The following WDR37 variants were observed in gnomAD, a reference collection of about 807,000 sequenced individuals.
The protein encoded by WDR37 is WD repeat domain 37.
In WDR37, 19 loss-of-function variants were observed where a neutral mutation model predicts 62.9. The ratio of observed to expected loss-of-function variants is 0.30; its 90% confidence interval spans 0.21 to 0.44. The LOEUF is 0.44. WDR37 is among the 20% of genes least tolerant of loss of function. WDR37 has a pLI of 1.00. For synonymous variants in WDR37, 250 were observed against 260.9 expected, an observed-to-expected ratio of 0.96 and a Z score of 0.40; for missense variants, 474 against 657.6, an observed-to-expected ratio of 0.72 and a Z score of 3.05.
chr10:1,120,806 T>G (rs1835553717), intron 11 of WDR37, among the ~76,000 whole-genome samples: 1 of 152,264 alleles, frequency 6.6e-6, no homozygotes, highest in Admixed American at 6.5e-5. Flanking sequence ...TGTCGTCTTT[T>G]CCTTAGTGAA....
At chr10:1,067,937 C>G (rs1395362169) in intron 1 of WDR37, among the ~76,000 whole-genome samples, 1 of 152,090 alleles carries the variant, frequency 6.6e-6, no homozygotes, top group Non-Finnish European at 1.5e-5. Flanking sequence ...TGGATGGAAC[C>G]AGAGGCCATT....
Position 1,103,646 on chromosome 10 carries a change from C to A in WDR37, c.771C>A (p.Pro257=). ...DEVECSDKDE[P]DLDGDVSSDC... ...TAGAGTGCTCTGACAAGGACGAGCC[C>A]GACCTCGATGGGGATGTGTCCAGCG... Residue 257 remains proline (P), a synonymous_variant, in exon 10 of 14, where the codon CCC becomes CCA. Transcript: ENST00000263150. The surrounding 1 kb of genome is among the most constrained non-coding windows in gnomAD (Gnocchi z 6.3). The A allele has an allele frequency of 1.2e-6, 2 of 1,614,224 alleles. No individual in the cohort carries two copies. The highest frequency in any genetic ancestry group is 2.2e-5 in the South Asian group (2 of 91,082).
chr10:1,058,855 A>G (rs1259283137), intron 1 of WDR37, among the ~76,000 whole-genome samples: 1 of 152,230 alleles, frequency 6.6e-6, no homozygotes, highest in African/African-American at 2.4e-5. Context: ...CTTCTGGTGG[A>G]AATTCCATCA....
At chr10:1,106,189 C>G (rs556275523) in intron 11 of WDR37, among the ~76,000 whole-genome samples, 1 of 152,250 alleles carries the variant, frequency 6.6e-6, no homozygotes, top group South Asian at 2.1e-4. Flanking sequence ...GTCACGGGGG[C>G]TGTCTACCTA....
At chr10:1,122,977 GA>G (rs1835630791) in intron 11 of WDR37, among the ~76,000 whole-genome samples, 1 of 152,106 alleles carries the variant, frequency 6.6e-6, no homozygotes, top group African/African-American at 2.4e-5. Flanking sequence ...TTACATTTCA[GA>G]AGAAAAGTTT....
At position 1,070,818 on chromosome 10, in the gene WDR37, C is replaced by T. The variant is rs74120404; in HGVS notation, c.-40-1298C>T. Among the ~76,000 whole-genome samples, 698 of 152,184 alleles carry T rather than the reference C, an allele frequency of 4.6e-3. 7 individuals carry two copies. The highest frequency in any genetic ancestry group is 0.016 in the African/African-American group (648 of 41,524). On this transcript the variant is annotated intron_variant, in intron 1 of 13. Coordinates refer to ENST00000263150, the MANE Select transcript of WDR37 (RefSeq NM_014023.4). ...GCTGACTTGTTTAAAAAGAAGGGAA[C>T]GCTAGTGATTTTAAAATATTGTAGA...
rs377190516 is a variant in WDR37 at position 1,126,361 on chromosome 10, G to T, written c.1353+1337G>T. Among the ~76,000 whole-genome samples, 135 of 149,116 alleles carry T rather than the reference G, an allele frequency of 9.1e-4. 1 individual carries two copies. Among genetic ancestry groups the T allele is most frequent in the African/African-American group, 3.2e-3 (127 of 39,930 alleles). On this transcript the variant is annotated intron_variant, in intron 13 of 13. Coordinates refer to ENST00000263150, the MANE Select transcript of WDR37 (RefSeq NM_014023.4). ...GCGGAGCTTGCAGTGAGCTGAGATC[G>T]CGCCACTGCACTCCAGCCTGGGCGA...
chr10:1,088,571 T>TC (rs1834278631), intron 7 of WDR37, among the ~76,000 whole-genome samples: 1 of 152,056 alleles, frequency 6.6e-6, no homozygotes, highest in African/African-American at 2.4e-5. Context: ...TTTGTGGTCT[T>TC]ATGTGGGTGT....
chr10:1,125,979 C>T (rs1341579314), intron 13 of WDR37, among the ~76,000 whole-genome samples: 1 of 152,102 alleles, frequency 6.6e-6, no homozygotes, highest in Non-Finnish European at 1.5e-5. Context: ...GCCCAGGGGG[C>T]CTGGGGGCCC....
At chr10:1,058,764 A>G (rs1411078152) in intron 1 of WDR37, among the ~76,000 whole-genome samples, 1 of 152,248 alleles carries the variant, frequency 6.6e-6, no homozygotes, top group Non-Finnish European at 1.5e-5. Context: ...ATTGCTCAGA[A>G]GTTGAATTTG....
Position 1,129,272 on chromosome 10 carries a change from G to C in WDR37, c.1413G>C (p.Leu471=). The C allele has an allele frequency of 6.2e-7, 1 of 1,614,188 alleles. No homozygotes were observed. The highest frequency in any genetic ancestry group is 1.1e-5 in the South Asian group (1 of 91,078). The change falls in exon 14 of 14, where the codon CTG becomes CTC. Residue 471 remains leucine, a synonymous_variant. Coordinates refer to ENST00000263150, the MANE Select transcript of WDR37 (RefSeq NM_014023.4). The stretch of plus-strand genomic sequence containing the variant: ...GTGAAGACCACCCCGTGTGCAATCT[G>C]TTCACCTGTGGGTTTGACCGGCAAG... ...AWSEDHPVCN[L]FTCGFDRQAI... is the part of the protein sequence containing the mutation.
Position 1,083,861 on chromosome 10 carries a change from A to G in WDR37, c.397-542A>G, listed in dbSNP as rs550774749. Among the ~76,000 whole-genome samples the G allele has an allele frequency of 2.4e-3, 371 of 152,318 alleles. 2 individuals are homozygous for G. The highest frequency in any genetic ancestry group is 8.4e-3 in the African/African-American group (351 of 41,554). ...CGCCAAGTCTCGGGCAAACCGGCAC[A>G]CCTATTAGTGTCGTCTTTTGATTCC... On this transcript the variant is annotated intron_variant, in intron 5 of 13. Transcript: ENST00000263150.
chr10:1,126,333 G>A (rs886731228), intron 13 of WDR37, among the ~76,000 whole-genome samples: 73 of 150,854 alleles, frequency 4.8e-4, no homozygotes, highest in African/African-American at 1.6e-3. Context: ...GTGAACCCAG[G>A]AGGCGGAGCT....
intron 13 of WDR37, among the ~76,000 whole-genome samples, chr10:1,127,583 G>C (rs957641443): frequency 6.6e-5 from 10 of 152,232 alleles, no homozygotes; most frequent in African/African-American, 2.2e-4. Context: ...CTGTAGTGCT[G>C]GAGTAGGTGT....
chr10:1,059,801 A>T (rs1564493940), intron 1 of WDR37, among the ~76,000 whole-genome samples: 3 of 152,100 alleles, frequency 2.0e-5, no homozygotes, highest in African/African-American at 7.2e-5. Flanking sequence ...TGTCTCAAAA[A>T]ATATATATAT....
intron 1 of WDR37, among the ~76,000 whole-genome samples, chr10:1,064,168 A>G (rs1833462899): frequency 6.6e-6 from 1 of 152,276 alleles, no homozygotes; most frequent in Admixed American, 6.5e-5. Flanking sequence ...AAATAAATTC[A>G]GTGGATGGCT....
chr10:1,126,249 CAA>C (rs1222937358), intron 13 of WDR37, among the ~76,000 whole-genome samples: 3 of 151,856 alleles, frequency 2.0e-5, no homozygotes, highest in South Asian at 2.1e-4. Flanking sequence ...AATAAAAATA[CAA>C]AAAAATCAGC....
Position 1,124,337 on chromosome 10 carries a change from A to G in WDR37, c.1223A>G (p.Asp408Gly). ...MRSPIATIRT[D>G]SAINRINVCV... ...TCCCCCATTGCAACTATTCGCACGG[A>G]CTCTGCCATTAACAGGTAAAGTCAA... The change falls in exon 12 of 14, where the codon GAC (aspartate) becomes GGC (glycine). Residue 408 changes from aspartate to glycine, a missense_variant. Coordinates refer to ENST00000263150, the MANE Select transcript of WDR37 (RefSeq NM_014023.4). The G allele has an allele frequency of 6.2e-7, 1 of 1,614,176 alleles. No homozygotes were observed. Among genetic ancestry groups the G allele is most frequent in the Non-Finnish European group, 8.5e-7 (1 of 1,180,034 alleles).
chr10:1,077,428 GTGA>G (rs927513060), intron 2 of WDR37, among the ~76,000 whole-genome samples: 91 of 152,250 alleles, frequency 6.0e-4, no homozygotes, highest in African/African-American at 2.1e-3. Flanking sequence ...GTTATGTCGA[GTGA>G]TGGGAGAGTG....
Sources: allele counts gnomAD v4.1 joint callset (sites outside exome capture counted in the v4.1 genomes callset), GRCh38; gene constraint gnomAD v4.1.1; non-coding constraint Gnocchi (gnomAD v3.1); transcripts MANE v1.5; gene names NCBI Gene and HGNC (gene_info 2026-07-23, HGNC 2026-07-21).